ARID1B: variants seen among roughly 807,000 people sequenced by gnomAD.
ARID1B encodes the protein AT-rich interactive domain-containing protein 1B.
In ARID1B, 30 loss-of-function variants were observed where a neutral mutation model predicts 212.3. That is an observed-to-expected ratio of 0.14 (90% CI 0.11 to 0.19). The LOEUF (loss-of-function observed/expected upper bound fraction) is 0.19. Among genes scored for constraint, ARID1B ranks in the 10% least tolerant of loss-of-function variants. ARID1B has a pLI of 1.00. For synonymous variants in ARID1B, 1,402 were observed against 1,301.7 expected, an observed-to-expected ratio of 1.08 and a Z score of -1.66; for missense variants, 2,891 against 3,204.0, an observed-to-expected ratio of 0.90 and a Z score of 2.36.
intron 4 of ARID1B, among the ~76,000 whole-genome samples, chr6:156,995,684 A>G (rs753784318): frequency 1.3e-5 from 2 of 152,318 alleles, no homozygotes; most frequent in Middle Eastern, 3.4e-3. Flanking sequence ...CAAATATTCA[A>G]TTATCGTCAG....
chr6:157,143,737 C>T (rs998811953), intron 7 of ARID1B, among the ~76,000 whole-genome samples: 16 of 152,126 alleles, frequency 1.1e-4, no homozygotes, highest in South Asian at 4.2e-4. Flanking sequence ...CCTTTTAAAC[C>T]GTTTTAAGCC....
At chr6:156,838,562 G>A (rs1477755056) in intron 2 of ARID1B, among the ~76,000 whole-genome samples, 3 of 152,056 alleles carry the variant, frequency 2.0e-5, no homozygotes, top group Non-Finnish European at 4.4e-5. Flanking sequence ...GAAGCCTGTC[G>A]GTGGGAATGG....
At chr6:157,075,472 C>G (rs1483922373) in intron 4 of ARID1B, among the ~76,000 whole-genome samples, 1 of 152,166 alleles carries the variant, frequency 6.6e-6, no homozygotes, top group South Asian at 2.1e-4. Flanking sequence ...TTATTCTTGT[C>G]TGGTTTTTAC....
intron 1 of ARID1B, among the ~76,000 whole-genome samples, chr6:156,792,442 A>G (rs984571326): frequency 6.6e-6 from 1 of 152,358 alleles, no homozygotes. Context: ...ATCATAGTGT[A>G]ATGATGAATA....
intron 5 of ARID1B, chr6:157,107,617 C>T (rs994448417): frequency 2.0e-5 from 3 of 152,122 alleles, no homozygotes; most frequent in Admixed American, 6.6e-5. Context: ...AATGATGGAA[C>T]TTACTCTAAT....
At chr6:157,021,137 G>A (rs762225342) in intron 4 of ARID1B, among the ~76,000 whole-genome samples, 5 of 152,114 alleles carry the variant, frequency 3.3e-5, no homozygotes, top group Non-Finnish European at 7.4e-5. Context: ...TTTAGAGAGA[G>A]GGTGTGAAGG....
intron 2 of ARID1B, among the ~76,000 whole-genome samples, chr6:156,879,869 T>C (rs1158736831): frequency 6.6e-6 from 1 of 152,244 alleles, no homozygotes; most frequent in East Asian, 1.9e-4. Context: ...GCAGGAAAGC[T>C]AAGAGTCAAC....
At chr6:157,015,939 G>A (rs1221789717) in intron 4 of ARID1B, among the ~76,000 whole-genome samples, 2 of 152,132 alleles carry the variant, frequency 1.3e-5, no homozygotes, top group Admixed American at 6.5e-5. Context: ...AAATTAGACC[G>A]GTTCAGAGCC....
At chr6:156,911,869 C>A (rs1361794107) in intron 3 of ARID1B, among the ~76,000 whole-genome samples, 2 of 151,966 alleles carry the variant, frequency 1.3e-5, no homozygotes, top group Non-Finnish European at 2.9e-5. Context: ...GGATCAATGA[C>A]CACACAACAG....
At chr6:157,171,591 C>T (rs1703130306) in intron 9 of ARID1B, among the ~76,000 whole-genome samples, 1 of 152,188 alleles carries the variant, frequency 6.6e-6, no homozygotes, top group Admixed American at 6.5e-5. Flanking sequence ...ATAAAACATA[C>T]ATTTTATAAG....
chr6:156,785,039 T>G (rs1451107210), intron 1 of ARID1B, among the ~76,000 whole-genome samples: 1 of 152,164 alleles, frequency 6.6e-6, no homozygotes, highest in Non-Finnish European at 1.5e-5. Flanking sequence ...GGATTACAGA[T>G]GTGAACCATC....
intron 2 of ARID1B, among the ~76,000 whole-genome samples, chr6:156,899,313 G>A (rs900645537): frequency 1.3e-5 from 2 of 152,120 alleles, no homozygotes; most frequent in African/African-American, 2.4e-5. Context: ...TGAGCAATCC[G>A]TCCCATCATG....
At chr6:157,085,600 G>A (rs768245354) in intron 5 of ARID1B, among the ~76,000 whole-genome samples, 14 of 151,796 alleles carry the variant, frequency 9.2e-5, no homozygotes, top group East Asian at 3.9e-4. Flanking sequence ...CAAGTCTACC[G>A]TACAACTAGC....
chr6:157,098,225 A>G (rs942327884), intron 5 of ARID1B, among the ~76,000 whole-genome samples: 2 of 152,174 alleles, frequency 1.3e-5, no homozygotes, highest in Admixed American at 6.5e-5. Flanking sequence ...CTTACCTTAC[A>G]TCAAAGCGAG....
At chr6:156,961,785 TATG>T (rs1323172633) in intron 4 of ARID1B, among the ~76,000 whole-genome samples, 2 of 152,202 alleles carry the variant, frequency 1.3e-5, no homozygotes, top group African/African-American at 4.8e-5. Flanking sequence ...TGATCTTGTT[TATG>T]ATTAGTGTTT....
chr6:156,944,805 G>T (rs1169008571), intron 4 of ARID1B, among the ~76,000 whole-genome samples: 1 of 152,178 alleles, frequency 6.6e-6, no homozygotes, highest in Non-Finnish European at 1.5e-5. Context: ...AATGGAAGTA[G>T]TAGCAACCCA....
intron 7 of ARID1B, among the ~76,000 whole-genome samples, chr6:157,136,629 AGACGGGTGGATCACTTGAG>A (rs1157133136): frequency 6.6e-6 from 1 of 152,228 alleles, no homozygotes; most frequent in Non-Finnish European, 1.5e-5. Flanking sequence ...TGGGAGTCCG[AGACGGGTGGATCACTTGAG>A]GTCAGGAGTT....
At chr6:157,125,785 A>G (rs1405879263) in intron 6 of ARID1B, among the ~76,000 whole-genome samples, 2 of 152,342 alleles carry the variant, frequency 1.3e-5, no homozygotes, top group East Asian at 3.9e-4. Context: ...TGCTTGGCTC[A>G]TTCATGCCCC....
intron 5 of ARID1B, 128 bp from the exon 6 acceptor site, chr6:157,110,344 T>C (rs1583321977): frequency 2.7e-6 from 2 of 736,276 alleles, no homozygotes; most frequent in East Asian, 2.7e-5. Flanking sequence ...CTGAGCTATG[T>C]CTTTTTTTAA....
Sources: gnomAD v4.1 joint callset for allele counts (sites outside exome capture counted in the v4.1 genomes callset) on GRCh38, gnomAD v4.1.1 for gene constraint, MANE v1.5 for transcripts, NCBI Gene and HGNC (gene_info 2026-07-23, HGNC 2026-07-21) for gene names.